Variants in LPP observed in about 807,000 individuals in gnomAD.
The protein encoded by LPP is lipoma-preferred partner.
Under a neutral mutation model 60.4 loss-of-function variants are expected in LPP, and 38 were observed. That is an observed-to-expected ratio of 0.63 (90% CI 0.49 to 0.83). The LOEUF (loss-of-function observed/expected upper bound fraction) is 0.83, where lower values mean the gene tolerates loss of function less well. Ranked by LOEUF, LPP falls within the 40% of genes least tolerant of loss-of-function variation. The pLI is 0.00. For synonymous variants in LPP, 328 were observed against 290.8 expected, an observed-to-expected ratio of 1.13 and a Z score of -1.30; for missense variants, 902 against 783.6, an observed-to-expected ratio of 1.15 and a Z score of -1.80.
chr3:188,210,014 C>T (rs1371117271), intron 1 of LPP, among the ~76,000 whole-genome samples: 3 of 151,702 alleles, frequency 2.0e-5, no homozygotes, highest in Non-Finnish European at 4.4e-5. Context: ...ATACAGTCAG[C>T]CCTCTGTATC....
In LPP at chr3:188,558,114, C is replaced by G. The variant is rs373347075; in HGVS notation, c.429+33327C>G. Among the ~76,000 whole-genome samples the G allele has an allele frequency of 9.3e-4, 142 of 152,130 alleles. 7 individuals carry two copies. In the South Asian group the frequency reaches 0.029, roughly 31 times the overall value. On this transcript the variant is annotated intron_variant, in intron 6 of 11. Coordinates refer to ENST00000617246, the MANE Select transcript of LPP (RefSeq NM_001375462.1). ...TAAGTTCCTTATCTGTCTCTGAGTT[C>G]TTTTGTCCTTCTACAGAAACAAGAG...
intron 8 of LPP, among the ~76,000 whole-genome samples, chr3:188,755,553 C>T (rs1207586920): frequency 1.3e-5 from 2 of 152,054 alleles, no homozygotes; most frequent in East Asian, 1.9e-4. Flanking sequence ...ACTATAATCC[C>T]GGCACCTCAG....
chr3:188,673,199 T>C (rs533100101), intron 7 of LPP, among the ~76,000 whole-genome samples: 3 of 152,154 alleles, frequency 2.0e-5, no homozygotes, highest in Non-Finnish European at 4.4e-5. Context: ...AAATGTGAGC[T>C]GGGCAGATTC....
chr3:188,658,434 A>G (rs1019753423), intron 7 of LPP, among the ~76,000 whole-genome samples: 5 of 152,132 alleles, frequency 3.3e-5, no homozygotes. Flanking sequence ...AATTAAACTA[A>G]TACATGCAAC....
chr3:188,682,711 A>G (rs895425413), intron 7 of LPP, among the ~76,000 whole-genome samples: 3 of 152,182 alleles, frequency 2.0e-5, no homozygotes, highest in African/African-American at 7.2e-5. Flanking sequence ...GTTGTACTGA[A>G]TGTCCAAGGA....
intron 9 of LPP, among the ~76,000 whole-genome samples, chr3:188,798,929 G>A (rs1746200056): frequency 1.3e-5 from 2 of 152,196 alleles, no homozygotes; most frequent in South Asian, 4.1e-4. Flanking sequence ...CTGCAGTGTG[G>A]GTTCCACCCT....
At chr3:188,870,102 C>G (rs1000187866) in intron 10 of LPP, among the ~76,000 whole-genome samples, 1 of 152,214 alleles carries the variant, frequency 6.6e-6, no homozygotes, top group Non-Finnish European at 1.5e-5. Flanking sequence ...CTGTAGATAG[C>G]ACTTACCACA....
intron 9 of LPP, among the ~76,000 whole-genome samples, chr3:188,810,978 C>T (rs1021789093): frequency 1.1e-4 from 16 of 151,996 alleles, no homozygotes; most frequent in Admixed American, 3.3e-4. Flanking sequence ...TCTATGAGCA[C>T]ATGTCTTTTG....
intron 2 of LPP, among the ~76,000 whole-genome samples, chr3:188,257,501 A>G (rs6809410): frequency 0.058 from 8,873 of 152,350 alleles, 482 homozygotes; most frequent in African/African-American, 0.15. Context: ...ACTGAGGGAA[A>G]GGAACTGACA....
chr3:188,603,607 C>T (rs1231684952), intron 6 of LPP, among the ~76,000 whole-genome samples: 8 of 152,088 alleles, frequency 5.3e-5, no homozygotes, highest in African/African-American at 1.4e-4. Context: ...AAAATGTTTG[C>T]ACCAGGTAAT....
chr3:188,368,134 A>G (rs1263237585), intron 3 of LPP, among the ~76,000 whole-genome samples: 1 of 152,212 alleles, frequency 6.6e-6, no homozygotes, highest in African/African-American at 2.4e-5. Context: ...TAATTGTAGA[A>G]AGAAGACAGT....
At chr3:188,464,348 A>G (rs1414344391) in intron 4 of LPP, among the ~76,000 whole-genome samples, 2 of 152,174 alleles carry the variant, frequency 1.3e-5, no homozygotes, top group Admixed American at 6.5e-5. Context: ...CATTAATTAA[A>G]CTTAAATAAA....
chr3:188,472,981 T>C (rs1175151365), intron 4 of LPP: 1 of 152,174 alleles, frequency 6.6e-6, no homozygotes, highest in African/African-American at 2.4e-5. Flanking sequence ...TTAAGATATT[T>C]GGGGTCACAG....
intron 9 of LPP, among the ~76,000 whole-genome samples, chr3:188,804,940 T>C (rs2151217788): frequency 6.6e-6 from 1 of 152,204 alleles, no homozygotes; most frequent in Non-Finnish European, 1.5e-5. Flanking sequence ...CCTTTAGACA[T>C]AAGTTGGTAT....
chr3:188,609,181 C>CGA lies in LPP; in HGVS notation c.450_451insGA (p.Ser151AspfsTer23). On this transcript the variant is annotated frameshift_variant, in exon 7 of 12. Coordinates refer to ENST00000617246, the MANE Select transcript of LPP (RefSeq NM_001375462.1). LOFTEE classifies it high-confidence loss of function. The surrounding 1 kb of genome is among the most constrained non-coding windows in gnomAD (Gnocchi z 6.9). ...TTTAGAGCTCCACTGGTTCAACAGCCTCTCCTCCAGTTTCGACCCCAGTCA... is the reference window on the plus strand; with the variant it reads ...TTTAGAGCTCCACTGGTTCAACAGCCGATCTCCTCCAGTTTCGACCCCAGTCA... The CGA allele has an allele frequency of 6.2e-7, 1 of 1,611,094 alleles. No homozygotes were observed. The highest frequency in any genetic ancestry group is 8.5e-7 in the Non-Finnish European group (1 of 1,178,052).
In LPP at chr3:188,184,709, A is replaced by G. The variant is rs192473235; in HGVS notation, c.-190+30457A>G. Among the ~76,000 whole-genome samples, 308 of 132,578 alleles carry G rather than the reference A, an allele frequency of 2.3e-3. 2 individuals are homozygous for G. Among genetic ancestry groups the G allele is most frequent in the African/African-American group, 8.4e-3 (293 of 34,850 alleles). The allele number at this position is 132,578 out of a possible 152,430, so 87.0% of individuals were successfully genotyped here. Reference sequence around the variant, plus strand: ...ACTTTTTTTTTTTTTTTTTTTTAGGATAGTAGAGAAAGAGCAGGGGTACAT... The same window carrying G: ...ACTTTTTTTTTTTTTTTTTTTTAGGGTAGTAGAGAAAGAGCAGGGGTACAT... On this transcript the variant is annotated intron_variant, in intron 1 of 11. Coordinates refer to ENST00000617246, the MANE Select transcript of LPP (RefSeq NM_001375462.1).
At chr3:188,165,037 C>T (rs189872227) in intron 1 of LPP, among the ~76,000 whole-genome samples, 8 of 151,764 alleles carry the variant, frequency 5.3e-5, no homozygotes, top group Admixed American at 3.3e-4. Context: ...TTTGGGAGGC[C>T]GAGGCAGGAG....
chr3:188,460,868 C>T (rs1162313649), intron 4 of LPP, among the ~76,000 whole-genome samples: 3 of 152,114 alleles, frequency 2.0e-5, no homozygotes, highest in African/African-American at 7.2e-5. Context: ...CAGACCTCAG[C>T]TTGTAGACTT....
intron 7 of LPP, among the ~76,000 whole-genome samples, chr3:188,676,267 T>C (rs1398519230): frequency 6.6e-6 from 1 of 152,132 alleles, no homozygotes; most frequent in African/African-American, 2.4e-5. Context: ...AACAGCTACA[T>C]TGTATTCAGG....
Sources: gnomAD v4.1 joint callset for allele counts (sites outside exome capture counted in the v4.1 genomes callset) on GRCh38, gnomAD v4.1.1 for gene constraint, Gnocchi (gnomAD v3.1) non-coding constraint, MANE v1.5 for transcripts, NCBI Gene and HGNC (gene_info 2026-07-23, HGNC 2026-07-21) for gene names.